The following MRC1 variants were observed in gnomAD, a reference collection of about 807,000 sequenced individuals.
MRC1 encodes the protein macrophage mannose receptor 1.
Under a neutral mutation model 102.9 loss-of-function variants are expected in MRC1, and 62 were observed. The ratio of observed to expected loss-of-function variants is 0.60; its 90% confidence interval spans 0.49 to 0.74. The LOEUF (loss-of-function observed/expected upper bound fraction) is 0.74, where lower values mean the gene tolerates loss of function less well. MRC1 is among the 30% of genes least tolerant of loss of function. The pLI is 0.00. For missense variants in MRC1, 1,237 were observed against 862.8 expected, an observed-to-expected ratio of 1.43 and a Z score of -5.43; for synonymous variants, 457 against 298.4, an observed-to-expected ratio of 1.53 and a Z score of -5.48.
At chr10:17,858,230 C>T (rs1489712735) in intron 9 of MRC1, among the ~76,000 whole-genome samples, 6 of 151,740 alleles carry the variant, frequency 4.0e-5, no homozygotes, top group African/African-American at 9.7e-5. Flanking sequence ...TTTCTGACAG[C>T]GGTTTATATA....
intron 9 of MRC1, among the ~76,000 whole-genome samples, chr10:17,858,346 A>T (rs1446824630): frequency 2.6e-5 from 4 of 152,150 alleles, no homozygotes; most frequent in African/African-American, 9.6e-5. Context: ...GTTCTCTCTG[A>T]TTGATTTTAA....
chr10:17,895,125 G>A (rs1384426524), intron 23 of MRC1, among the ~76,000 whole-genome samples: 1 of 152,090 alleles, frequency 6.6e-6, no homozygotes, highest in Non-Finnish European at 1.5e-5. Flanking sequence ...TGAGGTGAGA[G>A]GATCACTTGT....
At chr10:17,865,798 T>G (rs1413823614) in intron 11 of MRC1, among the ~76,000 whole-genome samples, 2 of 152,174 alleles carry the variant, frequency 1.3e-5, no homozygotes, top group African/African-American at 4.8e-5. Context: ...ATCAGAGATT[T>G]CAGAGAAAAT....
intron 16 of MRC1, among the ~76,000 whole-genome samples, chr10:17,874,084 A>G (rs1554841967): frequency 1.3e-5 from 2 of 152,170 alleles, no homozygotes; most frequent in Admixed American, 6.5e-5. Flanking sequence ...TTTAGCACAT[A>G]TATTAGTGTC....
intron 14 of MRC1, among the ~76,000 whole-genome samples, chr10:17,871,779 T>G (rs1833358280): frequency 6.6e-6 from 1 of 152,326 alleles, no homozygotes; most frequent in Non-Finnish European, 1.5e-5. Context: ...GTGTACGTTA[T>G]TCAACATCAC....
At chr10:17,878,930 G>A (rs1833474729) in intron 18 of MRC1, among the ~76,000 whole-genome samples, 1 of 152,116 alleles carries the variant, frequency 6.6e-6, no homozygotes, top group East Asian at 1.9e-4. Flanking sequence ...TGATCTCATG[G>A]CTGGTCCCCT....
intron 3 of MRC1, among the ~76,000 whole-genome samples, 171 bp from the exon 4 acceptor site, chr10:17,833,504 G>C (rs1838611900): frequency 7.7e-6 from 1 of 129,868 alleles, no homozygotes; most frequent in Non-Finnish European, 1.6e-5. Flanking sequence ...CTGGGCAACA[G>C]AGCAAGACTC....
chr10:17,852,834 A>C (rs1011402684), intron 7 of MRC1, 133 bp from the exon 8 acceptor site: 1 of 759,878 alleles, frequency 1.3e-6, no homozygotes, highest in African/African-American at 1.7e-5. Context: ...CATGAGGACT[A>C]TCTTTCATGA....
rs782100594 is a variant in MRC1 at position 17,853,572 on chromosome 10, ATGTGTGTGTGTGTG to A, written c.1407+464_1407+477del. Among the ~76,000 whole-genome samples, 17 of 146,836 alleles carry A rather than the reference ATGTGTGTGTGTGTG, an allele frequency of 1.2e-4. No individual in the cohort carries two copies. The East Asian group carries it at 3.5e-3, about 30-fold the overall frequency. ...GAGATGTAAAAAGAGATATATATGTATGTGTGTGTGTGTGTGTGTGTGTGTGTGTATATATATAT... is the reference window on the plus strand; with the variant it reads ...GAGATGTAAAAAGAGATATATATGTATGTGTGTGTGTGTGTATATATATAT... On this transcript the variant is annotated intron_variant, in intron 8 of 29. Transcript: ENST00000569591.
chr10:17,819,595 G>A (rs886500482), intron 1 of MRC1, among the ~76,000 whole-genome samples: 1 of 152,016 alleles, frequency 6.6e-6, no homozygotes, highest in African/African-American at 2.4e-5. Flanking sequence ...AACCTGCAGG[G>A]GTAGAGGAGT....
At position 17,828,697 on chromosome 10, in the gene MRC1, A is replaced by G. The variant is rs1055831248; in HGVS notation, c.637+982A>G. ...TTTAGTTTCACACAGCTAGAAATCA[A>G]TGGAACTCGGTAATTTATATGCTTC... On this transcript the variant is annotated intron_variant, in intron 3 of 29. Coordinates refer to ENST00000569591, the MANE Select transcript of MRC1 (RefSeq NM_002438.4). Among the ~76,000 whole-genome samples the G allele has an allele frequency of 3.0e-4, 46 of 151,698 alleles. 3 individuals carry two copies. The highest frequency in any genetic ancestry group is 1.8e-3 in the Admixed American group (28 of 15,294).
At chr10:17,812,525 ATGCCCCTG>A in intron 1 of MRC1, among the ~76,000 whole-genome samples, 1 of 145,774 alleles carries the variant, frequency 6.9e-6, no homozygotes, top group East Asian at 2.1e-4. Context: ...TACTGACTTG[ATGCCCCTG>A]GGGGCAGAGT....
At chr10:17,860,173 A>G (rs925434924) in intron 9 of MRC1, among the ~76,000 whole-genome samples, 3 of 152,110 alleles carry the variant, frequency 2.0e-5, no homozygotes, top group Non-Finnish European at 4.4e-5. Flanking sequence ...TTCAGCTTTT[A>G]GTATTCTACT....
intron 20 of MRC1, 99 bp downstream of exon 20, chr10:17,880,769 G>C (rs1279401044): frequency 3.9e-6 from 3 of 761,502 alleles, no homozygotes; most frequent in Non-Finnish European, 7.3e-6. Context: ...CATTACTTTA[G>C]AAAATTTTTG....
intron 22 of MRC1, among the ~76,000 whole-genome samples, chr10:17,891,740 G>A (rs999687847): frequency 6.6e-6 from 1 of 152,182 alleles, no homozygotes; most frequent in Non-Finnish European, 1.5e-5. Context: ...GGTGTCAGAG[G>A]TTAAAATCTC....
At chr10:17,882,774 A>G (rs1319453083) in intron 21 of MRC1, among the ~76,000 whole-genome samples, 7 of 152,150 alleles carry the variant, frequency 4.6e-5, no homozygotes, top group African/African-American at 1.7e-4. Flanking sequence ...AGCACACAGT[A>G]CAAGAACATA....
intron 4 of MRC1, among the ~76,000 whole-genome samples, chr10:17,837,087 G>A (rs1278699003): frequency 1.3e-5 from 2 of 152,104 alleles, no homozygotes; most frequent in African/African-American, 4.8e-5. Context: ...CCTGGTTCCC[G>A]GACTCTGCTA....
chr10:17,865,453 C>T (rs1833251766), intron 11 of MRC1: 1 of 152,224 alleles, frequency 6.6e-6, no homozygotes, highest in Non-Finnish European at 1.5e-5. Context: ...TGGTGTCATC[C>T]AGCAGCAGGA....
chr10:17,893,043 A>C (rs1335924332), intron 22 of MRC1, among the ~76,000 whole-genome samples: 2 of 151,940 alleles, frequency 1.3e-5, no homozygotes, highest in Non-Finnish European at 2.9e-5. Flanking sequence ...ATAACTGTGA[A>C]AATAAACACA....
Sources: allele counts gnomAD v4.1 joint callset (sites outside exome capture counted in the v4.1 genomes callset), GRCh38; gene constraint gnomAD v4.1.1; transcripts MANE v1.5; gene names NCBI Gene and HGNC (gene_info 2026-07-23, HGNC 2026-07-21).